SORCS2: variants seen among roughly 807,000 people sequenced by gnomAD.
The protein encoded by SORCS2 is VPS10 domain-containing receptor SorCS2.
A neutral mutation model predicts 141.6 loss-of-function variants in SORCS2; 100 were observed. That is an observed-to-expected ratio of 0.71 (90% CI 0.60 to 0.83). SORCS2 has a LOEUF of 0.83. SORCS2 is among the 40% of genes least tolerant of loss of function. The pLI, the probability that SORCS2 is intolerant of heterozygous loss-of-function variation, is 0.00. For synonymous variants in SORCS2, 789 were observed against 676.9 expected (o/e 1.17, Z -2.57); for missense variants, 1,646 against 1,560.2 (o/e 1.05, Z -0.93).
intron 1 of SORCS2, among the ~76,000 whole-genome samples, chr4:7,377,356 C>T (rs1462225818): frequency 1.3e-5 from 2 of 151,436 alleles, no homozygotes; most frequent in Non-Finnish European, 2.9e-5. Context: ...GGGGCTGTGA[C>T]GGGGGGGACA....
chr4:7,480,728 C>T (rs1293890494), intron 2 of SORCS2, among the ~76,000 whole-genome samples: 6 of 152,218 alleles, frequency 3.9e-5, no homozygotes, highest in Admixed American at 2.0e-4. Context: ...GTGGGGAGGG[C>T]GCTGACCGTG....
chr4:7,212,773 C>T (rs60342647), intron 1 of SORCS2, among the ~76,000 whole-genome samples: 6,310 of 152,352 alleles, frequency 0.041, 327 homozygotes, highest in East Asian at 0.26. Flanking sequence ...AACCCTGCAG[C>T]CAGGGCGAGG....
chr4:7,318,509 T>C (rs998094460), intron 1 of SORCS2, among the ~76,000 whole-genome samples: 3 of 152,196 alleles, frequency 2.0e-5, no homozygotes, highest in African/African-American at 7.2e-5. Flanking sequence ...CAAACCTGGC[T>C]CTTCCACTTG....
At position 7,647,111 on chromosome 4, in the gene SORCS2, C is replaced by T. The variant is rs114259931; in HGVS notation, c.814-7023C>T. 8.3e-3 allele frequency among the ~76,000 whole-genome samples: 1,271 copies of T among 152,272 alleles called. 22 individuals are homozygous for T. Among genetic ancestry groups the T allele is most frequent in the African/African-American group, 0.028 (1,178 of 41,544 alleles). ...AGGGGACGAGAGGGAAGTAGGGATG[C>T]TCCAGGCAGAGGACACAGCTTGCGC... On this transcript the variant is annotated intron_variant, in intron 4 of 26. Coordinates refer to ENST00000507866, the MANE Select transcript of SORCS2 (RefSeq NM_020777.3).
At chr4:7,331,483 C>T (rs1719653162) in intron 1 of SORCS2, among the ~76,000 whole-genome samples, 1 of 152,142 alleles carries the variant, frequency 6.6e-6, no homozygotes, top group Admixed American at 6.5e-5. Context: ...CTGCGGTCCC[C>T]TAAGAGACCC....
In SORCS2 at chr4:7,250,263, G is replaced by C. The variant is rs541829567; in HGVS notation, c.480+57137G>C. The stretch of plus-strand genomic sequence containing the variant: ...GTCTAAAAAGAAAGAAAGAAAGAAA[G>C]AAAGAAAGAAGGTGAAGGCCTGCTT... On this transcript the variant is annotated intron_variant, in intron 1 of 26. Transcript: ENST00000507866. Among the ~76,000 whole-genome samples, 6 of 152,112 alleles carry C rather than the reference G, an allele frequency of 3.9e-5. No homozygotes were observed. In the East Asian group the frequency reaches 1.2e-3, roughly 29 times the overall value.
chr4:7,564,572 G>A (rs1471579037), intron 3 of SORCS2, among the ~76,000 whole-genome samples: 1 of 152,244 alleles, frequency 6.6e-6, no homozygotes, highest in East Asian at 1.9e-4. Context: ...TGCTCCCAGT[G>A]TACTGGGTGG....
intron 1 of SORCS2, among the ~76,000 whole-genome samples, chr4:7,338,410 G>A (rs1002961790): frequency 4.5e-5 from 6 of 134,788 alleles, no homozygotes; most frequent in Admixed American, 1.5e-4. Context: ...GTTGGATGTC[G>A]GTTGGATGGA....
chr4:7,311,198 C>G (rs534137791), intron 1 of SORCS2, among the ~76,000 whole-genome samples: 30 of 152,270 alleles, frequency 2.0e-4, no homozygotes, highest in African/African-American at 6.5e-4. Flanking sequence ...CTTGTCTGGC[C>G]TCCTCTACTC....
At chr4:7,708,232 A>G (rs1381553987) in intron 14 of SORCS2, among the ~76,000 whole-genome samples, 1 of 152,148 alleles carries the variant, frequency 6.6e-6, no homozygotes. Flanking sequence ...GCAAGAAATC[A>G]CCTGCTTAGA....
At chr4:7,351,141 C>A (rs1197716465) in intron 1 of SORCS2, among the ~76,000 whole-genome samples, 1 of 152,206 alleles carries the variant, frequency 6.6e-6, no homozygotes, top group Admixed American at 6.5e-5. Context: ...CAGCCCCTTG[C>A]CCATTGGCTG....
At chr4:7,242,532 C>G (rs559890177) in intron 1 of SORCS2, among the ~76,000 whole-genome samples, 1 of 152,172 alleles carries the variant, frequency 6.6e-6, no homozygotes, top group Admixed American at 6.5e-5. Context: ...CTTTAGCTCA[C>G]TGCGTCATCC....
intron 2 of SORCS2, among the ~76,000 whole-genome samples, chr4:7,467,497 A>C (rs1489803783): frequency 6.6e-6 from 1 of 152,178 alleles, no homozygotes; most frequent in East Asian, 1.9e-4. Flanking sequence ...CATCTCATTC[A>C]TAAGGTGACA....
At chr4:7,386,215 A>G (rs1577479919) in intron 1 of SORCS2, among the ~76,000 whole-genome samples, 2 of 105,088 alleles carry the variant, frequency 1.9e-5, no homozygotes, top group East Asian at 3.0e-4. Context: ...GCACACACGC[A>G]CACACATGCC....
At chr4:7,346,871 C>T (rs1227145581) in intron 1 of SORCS2, among the ~76,000 whole-genome samples, 1 of 152,172 alleles carries the variant, frequency 6.6e-6, no homozygotes, top group Non-Finnish European at 1.5e-5. Flanking sequence ...TCCATCATAA[C>T]ATTCATCAAA....
chr4:7,302,274 C>T (rs999585), intron 1 of SORCS2, among the ~76,000 whole-genome samples: 47,312 of 152,106 alleles, frequency 0.31, 7,574 homozygotes, highest in South Asian at 0.46. Flanking sequence ...AGTGCCTGCC[C>T]GCAAGTAGCT....
intron 7 of SORCS2, among the ~76,000 whole-genome samples, chr4:7,666,176 TG>T (rs1018661035): frequency 6.6e-6 from 1 of 152,014 alleles, no homozygotes; most frequent in African/African-American, 2.4e-5. Flanking sequence ...CAGCAGCCCT[TG>T]CTCATCTCAG....
chr4:7,453,102 C>G (rs1383556877), intron 2 of SORCS2, among the ~76,000 whole-genome samples: 3 of 127,032 alleles, frequency 2.4e-5, no homozygotes, highest in Non-Finnish European at 3.2e-5. Context: ...GGGTCAGGCA[C>G]TGTGTTGGGT....
chr4:7,431,253 C>G (rs1215631473), intron 2 of SORCS2: 1 of 152,288 alleles, frequency 6.6e-6, no homozygotes, highest in Non-Finnish European at 1.5e-5. Flanking sequence ...TACCCAGGCC[C>G]AAGGGGTGGG....
Sources: allele counts gnomAD v4.1 joint callset (sites outside exome capture counted in the v4.1 genomes callset), GRCh38; gene constraint gnomAD v4.1.1; transcripts MANE v1.5; gene names NCBI Gene and HGNC (gene_info 2026-07-23, HGNC 2026-07-21).